ITGA9: variants seen among roughly 807,000 people sequenced by gnomAD.
ITGA9 encodes integrin alpha-9.
A neutral mutation model predicts 127.8 loss-of-function variants in ITGA9; 56 were observed. The observed-to-expected ratio is 0.44, with a 90% CI of 0.35 to 0.55. The LOEUF is 0.55. ITGA9 is among the 20% of genes least tolerant of loss of function. ITGA9 has a pLI of 0.00. For missense variants in ITGA9, 1,196 were observed against 1,347.1 expected (o/e 0.89, Z 1.76); for synonymous variants, 508 against 514.5 (o/e 0.99, Z 0.17).
chr3:37,556,618 A>T (rs941683322), intron 15 of ITGA9, among the ~76,000 whole-genome samples: 1 of 152,326 alleles, frequency 6.6e-6, no homozygotes, highest in Non-Finnish European at 1.5e-5. Flanking sequence ...GCAGATCCTG[A>T]TACAGCAGAT....
chr3:37,452,555 C>T lies in ITGA9; in HGVS notation c.181C>T (p.Arg61Cys). Residue 61 changes from arginine to cysteine, a missense_variant, in exon 1 of 28, where the codon CGC becomes TGC. Arg to Cys is a radical substitution (Grantham distance 180). Coordinates refer to ENST00000264741, the MANE Select transcript of ITGA9 (RefSeq NM_002207.3). The surrounding 1 kb of genome is among the most constrained non-coding windows in gnomAD (Gnocchi z 7.3). ...TCTGGAGCATTTCCACGACAACACG[C>T]GCTGGTGAGTGCCCGCCCGACTCCG... ...AVLEHFHDNT[R>C]WVLVGAPKAD... is the part of the protein sequence containing the mutation. The T allele has an allele frequency of 6.6e-7, 1 of 1,519,616 alleles. No homozygotes were observed. Among genetic ancestry groups the T allele is most frequent in the Non-Finnish European group, 8.8e-7 (1 of 1,133,010 alleles). The allele number at this position is 1,519,616 out of a possible 1,614,324, so 94.1% of individuals were successfully genotyped here. A position where few individuals can be genotyped will look rare whatever the true frequency, so the allele number is the denominator to read the frequency against.
intron 18 of ITGA9, among the ~76,000 whole-genome samples, chr3:37,693,220 G>C (rs1224945868): frequency 6.6e-6 from 1 of 152,224 alleles, no homozygotes; most frequent in African/African-American, 2.4e-5. Context: ...GAGAGACTGA[G>C]ATAGATGGAT....
intron 15 of ITGA9, among the ~76,000 whole-genome samples, chr3:37,596,269 A>C (rs1699869478): frequency 6.6e-6 from 1 of 151,672 alleles, no homozygotes; most frequent in Non-Finnish European, 1.5e-5. Flanking sequence ...ACTTGAAAAG[A>C]GAAAGGCTAC....
At chr3:37,631,234 T>C (rs889131411) in intron 16 of ITGA9, among the ~76,000 whole-genome samples, 1 of 152,148 alleles carries the variant, frequency 6.6e-6, no homozygotes, top group African/African-American at 2.4e-5. Context: ...CCCAGTGAGG[T>C]AGTCATCTAC....
rs79195003 is a variant in ITGA9 at position 37,584,054 on chromosome 3, T to A, written c.1689+41469T>A. ...ATTTCCCTGGGTAGACTGACTGTAT[T>A]AGTCAGCTATTGCCACATAACAAAC... On this transcript the variant is annotated intron_variant, in intron 15 of 27. Coordinates refer to ENST00000264741, the MANE Select transcript of ITGA9 (RefSeq NM_002207.3). Among the ~76,000 whole-genome samples, 866 of 152,320 alleles carry A rather than the reference T, an allele frequency of 5.7e-3. 21 individuals carry two copies. Among genetic ancestry groups the A allele is most frequent in the East Asian group, 0.022 (115 of 5,186 alleles).
intron 4 of ITGA9, among the ~76,000 whole-genome samples, chr3:37,483,900 C>T (rs979359559): frequency 6.6e-6 from 1 of 152,174 alleles, no homozygotes; most frequent in African/African-American, 2.4e-5. Flanking sequence ...TGAAGCTGGC[C>T]TCTGTCTGAC....
At chr3:37,795,398 A>C (rs1443835422) in intron 26 of ITGA9, among the ~76,000 whole-genome samples, 1 of 152,238 alleles carries the variant, frequency 6.6e-6, no homozygotes, top group Admixed American at 6.5e-5. Flanking sequence ...GAAACACAGA[A>C]GTGAATCAAA....
chr3:37,775,073 C>T (rs529663708), intron 23 of ITGA9, among the ~76,000 whole-genome samples: 1 of 152,326 alleles, frequency 6.6e-6, no homozygotes, highest in South Asian at 2.1e-4. Flanking sequence ...AGACTATCAA[C>T]AGAGTAAACA....
chr3:37,780,052 C>CA (rs768717417), intron 25 of ITGA9, 31 bp downstream of exon 25: 85 of 1,611,490 alleles, frequency 5.3e-5, no homozygotes, highest in Non-Finnish European at 6.4e-5. Context: ...CTTGTGGATG[C>CA]ATTTAGAAGC....
At chr3:37,760,301 G>T (rs1223458370) in intron 23 of ITGA9, among the ~76,000 whole-genome samples, 2 of 151,182 alleles carry the variant, frequency 1.3e-5, no homozygotes, top group South Asian at 2.1e-4. Context: ...CACCTGAAAT[G>T]AACAATTCAT....
intron 16 of ITGA9, among the ~76,000 whole-genome samples, chr3:37,632,108 GAAAGGA>G: frequency 6.6e-6 from 1 of 152,276 alleles, no homozygotes; most frequent in East Asian, 1.9e-4. Context: ...TTTGGTGCAT[GAAAGGA>G]AAGGCTAAAA....
intron 15 of ITGA9, among the ~76,000 whole-genome samples, chr3:37,605,490 G>A (rs928803): frequency 3.9e-5 from 6 of 152,290 alleles, no homozygotes; most frequent in South Asian, 2.1e-4. Flanking sequence ...AGACTGGAGC[G>A]AATTCTAATT....
At chr3:37,708,269 A>G (rs986804843) in intron 18 of ITGA9, among the ~76,000 whole-genome samples, 7 of 152,224 alleles carry the variant, frequency 4.6e-5, no homozygotes, top group Non-Finnish European at 1.0e-4. Flanking sequence ...GGGTTCCAAA[A>G]GAGTGAGTAG....
At position 37,819,319 on chromosome 3, in the gene ITGA9, A is replaced by T. The variant is rs1269711731; in HGVS notation, c.*330A>T. 2.5e-5 allele frequency: 8 copies of T among 325,116 alleles called. 1 individual carries two copies. Among genetic ancestry groups the T allele is most frequent in the African/African-American group, 1.5e-4 (7 of 47,442 alleles). 20.1% of individuals were successfully genotyped at this position (325,116 alleles called of 1,614,324 possible). A position where few individuals can be genotyped will look rare whatever the true frequency, so the allele number is the denominator to read the frequency against. On this transcript the variant is annotated 3_prime_UTR_variant, in exon 28 of 28. Transcript: ENST00000264741. ...GTATTTTTATAAATATAAGCCTTTT[A>T]TACTGATTATGTCTTTTATATTTGT...
At chr3:37,761,588 AAATT>A (rs1696723537) in intron 23 of ITGA9, among the ~76,000 whole-genome samples, 1 of 152,226 alleles carries the variant, frequency 6.6e-6, no homozygotes, top group South Asian at 2.1e-4. Flanking sequence ...TTACAAGAAC[AAATT>A]AATCTAATCT....
chr3:37,491,280 TC>T (rs1190516168), intron 4 of ITGA9, among the ~76,000 whole-genome samples: 1 of 152,184 alleles, frequency 6.6e-6, no homozygotes, highest in African/African-American at 2.4e-5. Context: ...CTGGCCAGCT[TC>T]CCCAAATGTA....
chr3:37,553,109 G>T (rs1699394749), intron 15 of ITGA9, among the ~76,000 whole-genome samples: 1 of 151,836 alleles, frequency 6.6e-6, no homozygotes, highest in Non-Finnish European at 1.5e-5. Flanking sequence ...TCTTCACCCA[G>T]ATTCCCTAAA....
At chr3:37,497,808 C>A (rs926015087) in intron 5 of ITGA9, among the ~76,000 whole-genome samples, 2 of 152,236 alleles carry the variant, frequency 1.3e-5, no homozygotes, top group African/African-American at 2.4e-5. Flanking sequence ...CAGTGGGAAC[C>A]ACTGTAAGTT....
chr3:37,732,208 C>T (rs961959684), intron 18 of ITGA9, among the ~76,000 whole-genome samples: 1 of 152,110 alleles, frequency 6.6e-6, no homozygotes, highest in Non-Finnish European at 1.5e-5. Flanking sequence ...CACCCTTGTA[C>T]CCTCCCCACA....
Sources: gnomAD v4.1 joint callset for allele counts (sites outside exome capture counted in the v4.1 genomes callset) on GRCh38, gnomAD v4.1.1 for gene constraint, Gnocchi (gnomAD v3.1) non-coding constraint, MANE v1.5 for transcripts, NCBI Gene and HGNC (gene_info 2026-07-23, HGNC 2026-07-21) for gene names.